PDZD4: variants seen among roughly 807,000 people sequenced by gnomAD.
The protein encoded by PDZD4 is PDZ domain containing 4.
PDZD4 carries 9 observed loss-of-function variants against 38.5 expected under a neutral mutation model. That is an observed-to-expected ratio of 0.23 (90% CI 0.14 to 0.41). The LOEUF is 0.41. Ranked by LOEUF, PDZD4 falls within the 10% of genes least tolerant of loss-of-function variation. The pLI is 1.00. For synonymous variants in PDZD4, 349 were observed against 315.7 expected, an observed-to-expected ratio of 1.11 and a Z score of -1.12; for missense variants, 612 against 722.0, an observed-to-expected ratio of 0.85 and a Z score of 1.75.
chrX:153,812,880 C>T (rs1353365436), intron 1 of PDZD4, among the ~76,000 whole-genome samples: 14 of 109,000 alleles, frequency 1.3e-4, no homozygotes, highest in African/African-American at 4.7e-4. Context: ...ATGCCCCAAC[C>T]CTCGGATTGC....
intron 1 of PDZD4, among the ~76,000 whole-genome samples, chrX:153,813,772 G>A (rs966427415): frequency 2.7e-5 from 3 of 111,193 alleles, no homozygotes; most frequent in Non-Finnish European, 5.7e-5. Flanking sequence ...TTCTCCAGAT[G>A]CTACAGCAAG....
Position 153,803,869 on chromosome X carries a change from G to A in PDZD4, c.1812C>T (p.His604=), listed in dbSNP as rs782807192. 16 of 1,187,038 alleles carry A rather than the reference G, an allele frequency of 1.3e-5. No individual in the cohort carries two copies. The highest frequency in any genetic ancestry group is 1.6e-5 in the Non-Finnish European group (14 of 885,724). Residue 604 remains histidine, a synonymous_variant, in exon 8 of 8, where the codon CAC becomes CAT. Coordinates refer to ENST00000393758, the MANE Select transcript of PDZD4 (RefSeq NM_001303512.2). ...APTRGLEELG[H]GPLSLAGGPR... is the part of the protein sequence containing the mutation. ...GGCCACCGGCCAAGCTCAGGGGGCC[G>A]TGGCCCAGCTCCTCCAGGCCTCGCG...
At chrX:153,826,427 G>A (rs2064482532) in intron 1 of PDZD4, among the ~76,000 whole-genome samples, 1 of 107,424 alleles carries the variant, frequency 9.3e-6, no homozygotes, top group Non-Finnish European at 1.9e-5. Context: ...TTTTTTTTTT[G>A]AGACAGAGTC....
intron 1 of PDZD4, among the ~76,000 whole-genome samples, chrX:153,818,820 T>A (rs1011429966): frequency 6.5e-5 from 7 of 107,274 alleles, no homozygotes; most frequent in African/African-American, 2.4e-4. Context: ...GAAGAGCAAT[T>A]CGCAAGGCCA....
In PDZD4 at chrX:153,809,891, G is replaced by T. The variant is rs1569543403; in HGVS notation, c.61-1296C>A. Among the ~76,000 whole-genome samples, 3 of 113,082 alleles carry T rather than the reference G, an allele frequency of 2.7e-5. No individual in the cohort carries two copies. The South Asian group carries it at 1.1e-3, about 40-fold the overall frequency. On this transcript the variant is annotated intron_variant, in intron 1 of 7. Transcript: ENST00000393758. Reference sequence around the variant, plus strand: ...CTCTGCGGGATGCTGTAGGGGTGAAGGAAGGACAATGAAGGGTAGCAGAAG... The same window carrying T: ...CTCTGCGGGATGCTGTAGGGGTGAATGAAGGACAATGAAGGGTAGCAGAAG...
At chrX:153,812,649 C>T (rs2064321361) in intron 1 of PDZD4, among the ~76,000 whole-genome samples, 1 of 111,087 alleles carries the variant, frequency 9.0e-6, no homozygotes, top group Non-Finnish European at 1.9e-5. Flanking sequence ...GCTGGACCCC[C>T]AAGGAAGAAA....
chrX:153,814,713 C>T (rs2064344027), intron 1 of PDZD4, among the ~76,000 whole-genome samples: 2 of 111,012 alleles, frequency 1.8e-5, no homozygotes, highest in African/African-American at 6.6e-5. Context: ...TACCTGAAGC[C>T]CACTCAAATG....
At chrX:153,805,855 G>A (rs1010360209) in intron 5 of PDZD4, among the ~76,000 whole-genome samples, 1 of 112,238 alleles carries the variant, frequency 8.9e-6, no homozygotes, top group Admixed American at 9.4e-5. Flanking sequence ...AGCAGCAGGG[G>A]CCCTGGATGC....
chrX:153,803,960 G>A lies in PDZD4; in HGVS notation c.1721C>T (p.Ser574Leu). 3 of 1,163,148 alleles carry A rather than the reference G, an allele frequency of 2.6e-6. No individual in the cohort carries two copies. Among genetic ancestry groups the A allele is most frequent in the Non-Finnish European group, 3.4e-6 (3 of 872,657 alleles). ...RVGPESSPYL[S>L]RRHRGQGQEG... ...CTGGCCCTGGCCGCGGTGGCGCCGCGAGAGGTAAGGGCTGCTTTCAGGGCC... is the reference window on the plus strand; with the variant it reads ...CTGGCCCTGGCCGCGGTGGCGCCGCAAGAGGTAAGGGCTGCTTTCAGGGCC... The change falls in exon 8 of 8, where the codon TCG (serine) becomes TTG (leucine). Residue 574 changes from serine to leucine, a missense_variant. Coordinates refer to ENST00000393758, the MANE Select transcript of PDZD4 (RefSeq NM_001303512.2).
intron 3 of PDZD4, 54 bp downstream of exon 3, chrX:153,807,225 G>T (rs1258960983): frequency 8.7e-7 from 1 of 1,146,317 alleles, no homozygotes; most frequent in Non-Finnish European, 1.2e-6. Flanking sequence ...GCACACAGGC[G>T]TCGGGGCGGC....
In PDZD4 at chrX:153,804,754, C is replaced by T. The variant is rs781853016; in HGVS notation, c.927G>A (p.Pro309=). 1.7e-6 allele frequency: 2 copies of T among 1,211,176 alleles called. No homozygotes were observed. The highest frequency in any genetic ancestry group is 3.0e-5 in the East Asian group (1 of 33,835). ...SEHDLLGDEP[P]SSTNTPGSLR... Reference sequence around the variant, plus strand: ...GGCTTCCCGGGGTGTTGGTGGAGCTCGGGGGTTCGTCCCCCAGCAGGTCGT... The same window carrying T: ...GGCTTCCCGGGGTGTTGGTGGAGCTTGGGGGTTCGTCCCCCAGCAGGTCGT... Residue 309 remains proline, a synonymous_variant, in exon 8 of 8, where the codon CCG becomes CCA. Transcript: ENST00000393758.
rs1603261203 is a variant in PDZD4, at chrX:153,805,125, C to T, written c.752G>A (p.Arg251His). The change falls in exon 7 of 8, where the codon CGT becomes CAT. Residue 251 changes from arginine (R) to histidine (H), a missense_variant. Transcript: ENST00000393758. ...GSENEGELRA[R>H]KLKSPPAQQP... Reference sequence around the variant, plus strand: ...CTGGGCAGGGGGTGATTTCAGTTTACGAGCACGCAGCTCCCCCTCATTCTC... The same window carrying T: ...CTGGGCAGGGGGTGATTTCAGTTTATGAGCACGCAGCTCCCCCTCATTCTC... 5.0e-6 allele frequency: 6 copies of T among 1,209,423 alleles called. No individual in the cohort carries two copies. The highest frequency in any genetic ancestry group is 3.5e-5 in the African/African-American group (2 of 57,125).
At chrX:153,829,484 C>A in intron 1 of PDZD4, 1 of 116,975 alleles carries the variant, frequency 8.5e-6, no homozygotes. Flanking sequence ...ACAGAAAGTA[C>A]ACAAATGCGG....
chrX:153,817,103 T>G (rs1283862538), intron 1 of PDZD4, among the ~76,000 whole-genome samples: 2 of 111,164 alleles, frequency 1.8e-5, no homozygotes, highest in Non-Finnish European at 3.8e-5. Flanking sequence ...AGCACGAGTA[T>G]TGGAGAGGAC....
intron 7 of PDZD4, 50 bp downstream of exon 7, chrX:153,805,047 C>A: frequency 8.6e-7 from 1 of 1,160,414 alleles, no homozygotes; most frequent in Non-Finnish European, 1.2e-6. Context: ...CGCCTTCCAC[C>A]CAGTTCTCTC....
Position 153,804,860 on chromosome X carries a change from G to C in PDZD4, c.821C>G (p.Pro274Arg). The C allele has an allele frequency of 8.3e-7, 1 of 1,210,712 alleles. No individual in the cohort carries two copies. The highest frequency in any genetic ancestry group is 1.1e-6 in the Non-Finnish European group (1 of 895,067). The change falls in exon 8 of 8, where the codon CCA (proline) becomes CGA (arginine). Residue 274 changes from proline to arginine, a missense_variant. By Grantham distance (103) the Pro-to-Arg change is moderately radical. Around this residue, in one of 3 missense-constraint regions of PDZD4, gnomAD observed 225 missense variants for 311.0 expected, o/e 0.72. Transcript: ENST00000393758. Reference protein sequence around the residue: ...EEEKGAPDAGPGLSNSQELDS... With the variant: ...EEEKGAPDAGRGLSNSQELDS... ...CAGCTCCTGGCTGTTGCTCAGGCCT[G>C]GGCCGGCATCGGGAGCCCCCTTCTC...
At chrX:153,821,991 A>G (rs1269828950) in intron 1 of PDZD4, among the ~76,000 whole-genome samples, 1 of 110,300 alleles carries the variant, frequency 9.1e-6, no homozygotes, top group Non-Finnish European at 1.9e-5. Flanking sequence ...GGAGTTTGAG[A>G]CCAGACTGGC....
chrX:153,807,942 C>T lies in PDZD4; in HGVS notation c.314+400G>A, dbSNP rs1328037056. ...CTGGATGAAAGGCCCTTCTTCCGGT[C>T]GGGCCAAAGAAAGAAGCTGAAGAGA... On this transcript the variant is annotated intron_variant, in intron 2 of 7. Coordinates refer to ENST00000393758, the MANE Select transcript of PDZD4 (RefSeq NM_001303512.2). The T allele has an allele frequency of 8.1e-6, 8 of 987,037 alleles. No homozygotes were observed. The African/African-American group carries it at 1.6e-4, about 19-fold the overall frequency. 81.3% of individuals were successfully genotyped at this position (987,037 alleles called of 1,213,427 possible).
At chrX:153,828,339 C>T (rs1208029073) in intron 1 of PDZD4, among the ~76,000 whole-genome samples, 1 of 112,799 alleles carries the variant, frequency 8.9e-6, no homozygotes, top group Non-Finnish European at 1.9e-5. Flanking sequence ...CGTAAAATCC[C>T]GGCTTTGATT....
Sources: allele counts gnomAD v4.1 joint callset (sites outside exome capture counted in the v4.1 genomes callset), GRCh38; gene constraint gnomAD v4.1.1; regional missense constraint gnomAD v4.1.1; transcripts MANE v1.5; gene names NCBI Gene and HGNC (gene_info 2026-07-23, HGNC 2026-07-21).